Variants in SLC14A2 observed in about 807,000 individuals in gnomAD.
SLC14A2 encodes the protein solute carrier family 14 member 2.
A neutral mutation model predicts 104.6 loss-of-function variants in SLC14A2; 91 were observed. That is an observed-to-expected ratio of 0.87 (90% CI 0.73 to 1.04). The LOEUF (loss-of-function observed/expected upper bound fraction) is 1.04. Ranked by LOEUF, SLC14A2 falls within the 50% of genes least tolerant of loss-of-function variation. The probability of loss-of-function intolerance (pLI) is 0.00; values close to 1 mark genes in which losing one functional copy is unlikely to be tolerated. For synonymous variants in SLC14A2, 476 were observed against 466.4 expected (o/e 1.02, Z -0.27); for missense variants, 1,189 against 1,156.0 (o/e 1.03, Z -0.41).
chr18:45,414,133 G>T (rs902308083), intron 1 of SLC14A2, among the ~76,000 whole-genome samples: 2 of 152,178 alleles, frequency 1.3e-5, no homozygotes, highest in African/African-American at 4.8e-5. Context: ...TACTGCAAAT[G>T]GAGCAAGTCA....
At chr18:45,659,604 A>G (rs531856003) in intron 10 of SLC14A2, among the ~76,000 whole-genome samples, 41 of 152,320 alleles carry the variant, frequency 2.7e-4, no homozygotes, top group Non-Finnish European at 5.4e-4. Flanking sequence ...ATCACCGTCT[A>G]TAAACTTCCA....
At chr18:45,376,034 C>A (rs2243900) in intron 1 of SLC14A2, among the ~76,000 whole-genome samples, 3,302 of 132,184 alleles carry the variant, frequency 0.025, 126 homozygotes, top group African/African-American at 0.088. Flanking sequence ...GAAGAGTAGC[C>A]ATGTGGATCT....
At chr18:45,177,096 T>C in the SLC14A2 span, among the ~76,000 whole-genome samples, 23 of 152,194 alleles carry the variant, frequency 1.5e-4, no homozygotes, top group South Asian at 8.3e-4. Flanking sequence ...AGGGGCATGC[T>C]TGACTCCTCA....
chr18:45,227,840 C>A (rs2084135217), intron 1 of SLC14A2, among the ~76,000 whole-genome samples: 1 of 152,208 alleles, frequency 6.6e-6, no homozygotes, highest in African/African-American at 2.4e-5. Context: ...CTGTCAGCCC[C>A]ATTCTCTTGC....
chr18:45,540,272 G>C (rs753858043), intron 2 of SLC14A2, among the ~76,000 whole-genome samples: 1 of 151,944 alleles, frequency 6.6e-6, no homozygotes, highest in Non-Finnish European at 1.5e-5. Flanking sequence ...CCTGTTCCTC[G>C]GGTCTGCTCC....
At chr18:45,555,952 A>C (rs181490227) in intron 2 of SLC14A2, among the ~76,000 whole-genome samples, 1 of 152,302 alleles carries the variant, frequency 6.6e-6, no homozygotes, top group Admixed American at 6.5e-5. Context: ...GTCTTAGTTC[A>C]TCTGGGCTGC....
At position 45,673,012 on chromosome 18, in the gene SLC14A2, A is replaced by C. The variant is rs1399804574; in HGVS notation, c.2342A>C (p.His781Pro). ...ATATCCTCACCTCTCATTTGCTTGC[A>C]TGCAGCAATTGGATCCACCATGGGG... ...LFISSPLICL[H>P]AAIGSTMGML... Residue 781 changes from histidine (H) to proline (P), a missense_variant, in exon 17 of 20, where the codon CAT becomes CCT. By Grantham distance (77) the His-to-Pro change is moderately conservative (BLOSUM62 -2). Coordinates refer to ENST00000255226, the MANE Select transcript of SLC14A2 (RefSeq NM_007163.4). 6.2e-7 allele frequency: 1 copy of C among 1,614,144 alleles called. No individual in the cohort carries two copies.
At chr18:45,435,113 T>G (rs1417317616) in intron 1 of SLC14A2, 1 of 152,194 alleles carries the variant, frequency 6.6e-6, no homozygotes, top group African/African-American at 2.4e-5. Flanking sequence ...GGCCTGGAGA[T>G]AGGAAGAGAA....
intron 1 of SLC14A2, among the ~76,000 whole-genome samples, chr18:45,265,177 G>A (rs1159552379): frequency 1.3e-5 from 2 of 152,116 alleles, no homozygotes; most frequent in Non-Finnish European, 2.9e-5. Context: ...GGATTGTTGA[G>A]GTTGGATCAG....
intron 1 of SLC14A2, among the ~76,000 whole-genome samples, chr18:45,340,307 A>C (rs1214347589): frequency 6.6e-6 from 1 of 152,214 alleles, no homozygotes; most frequent in Non-Finnish European, 1.5e-5. Context: ...AAGATTTAGA[A>C]ATGACTGTGT....
At chr18:45,420,906 A>G (rs1568193413) in intron 1 of SLC14A2, among the ~76,000 whole-genome samples, 1 of 151,902 alleles carries the variant, frequency 6.6e-6, no homozygotes, top group Non-Finnish European at 1.5e-5. Context: ...ACGCCTAGCT[A>G]ACTTTTGTAT....
At chr18:45,391,678 G>C (rs2085968256) in intron 1 of SLC14A2, among the ~76,000 whole-genome samples, 1 of 152,208 alleles carries the variant, frequency 6.6e-6, no homozygotes, top group Non-Finnish European at 1.5e-5. Context: ...GATGGCCAGT[G>C]ATGATGAGCA....
At chr18:45,458,471 G>A (rs980003547) in intron 1 of SLC14A2, among the ~76,000 whole-genome samples, 4 of 152,118 alleles carry the variant, frequency 2.6e-5, no homozygotes, top group Non-Finnish European at 5.9e-5. Context: ...CTTTCCTTCC[G>A]GCTGTGTGGG....
chr18:45,475,642 GATATATATATATATATATATATATATAT>G (rs137928157), intron 1 of SLC14A2, among the ~76,000 whole-genome samples: 13 of 49,228 alleles, frequency 2.6e-4, no homozygotes, highest in Non-Finnish European at 3.9e-4. Flanking sequence ...ATATATTTAG[GATATATATATATATATATATATATATAT>G]ATATATATAT....
intron 1 of SLC14A2, among the ~76,000 whole-genome samples, chr18:45,361,196 A>T (rs762759263): frequency 9.9e-5 from 15 of 152,166 alleles, no homozygotes; most frequent in Non-Finnish European, 1.6e-4. Flanking sequence ...TGTAGTCATC[A>T]TGTGTGTGAT....
the SLC14A2 span, among the ~76,000 whole-genome samples, chr18:45,205,628 C>CT: frequency 6.6e-6 from 1 of 152,184 alleles, no homozygotes; most frequent in Non-Finnish European, 1.5e-5. Context: ...GACTTCACTG[C>CT]TTGCATTGAA....
chr18:45,501,211 T>C (rs774467239), intron 2 of SLC14A2, among the ~76,000 whole-genome samples: 13 of 152,194 alleles, frequency 8.5e-5, no homozygotes, highest in Non-Finnish European at 1.9e-4. Context: ...CCAGACTATT[T>C]TGACTCTGGC....
chr18:45,408,563 T>A (rs964771948), intron 1 of SLC14A2, among the ~76,000 whole-genome samples: 1 of 152,150 alleles, frequency 6.6e-6, no homozygotes, highest in Non-Finnish European at 1.5e-5. Context: ...GCTTCTCACG[T>A]GGTAATTGAT....
chr18:45,677,052 C>T (rs926018788), intron 18 of SLC14A2, among the ~76,000 whole-genome samples: 9 of 152,220 alleles, frequency 5.9e-5, no homozygotes, highest in Non-Finnish European at 1.2e-4. Context: ...ACTGCCTGCT[C>T]GGCACATCAC....
Sources: allele counts gnomAD v4.1 joint callset (sites outside exome capture counted in the v4.1 genomes callset), GRCh38; gene constraint gnomAD v4.1.1; transcripts MANE v1.5; gene names NCBI Gene and HGNC (gene_info 2026-07-23, HGNC 2026-07-21).